Variants in ASCC3 observed in about 807,000 individuals in gnomAD.
ASCC3 encodes the protein activating signal cointegrator 1 complex subunit 3.
Under a neutral mutation model 256.3 loss-of-function variants are expected in ASCC3, and 158 were observed. The ratio of observed to expected loss-of-function variants is 0.62; its 90% CI spans 0.54 to 0.70. The LOEUF is 0.70. ASCC3 is among the 30% of genes least tolerant of loss of function. The probability of loss-of-function intolerance (pLI) is 0.00; values close to 1 mark genes in which losing one functional copy is unlikely to be tolerated. For synonymous variants in ASCC3, 948 were observed against 883.4 expected, an observed-to-expected ratio of 1.07 and a Z score of -1.30; for missense variants, 2,259 against 2,626.0, an observed-to-expected ratio of 0.86 and a Z score of 3.05.
At chr6:100,751,613 C>A (rs1444640886) in intron 10 of ASCC3, among the ~76,000 whole-genome samples, 1 of 151,736 alleles carries the variant, frequency 6.6e-6, no homozygotes, top group Non-Finnish European at 1.5e-5. Context: ...GATATAAACA[C>A]CAAAAAGTTT....
intron 13 of ASCC3, among the ~76,000 whole-genome samples, chr6:100,690,188 T>C (rs1416765239): frequency 6.6e-6 from 1 of 152,172 alleles, no homozygotes; most frequent in African/African-American, 2.4e-5. Context: ...TTATATCATA[T>C]CTTGATAATA....
chr6:100,579,397 T>A (rs1771070621), intron 36 of ASCC3, among the ~76,000 whole-genome samples: 1 of 152,106 alleles, frequency 6.6e-6, no homozygotes, highest in African/African-American at 2.4e-5. Flanking sequence ...TTTCGGCATC[T>A]TTTTCATGAA....
intron 13 of ASCC3, among the ~76,000 whole-genome samples, chr6:100,679,998 T>C (rs1302861447): frequency 6.6e-6 from 1 of 152,230 alleles, no homozygotes; most frequent in Non-Finnish European, 1.5e-5. Context: ...TTAATTTGTA[T>C]GTTTCTCTTT....
chr6:100,857,545 G>A (rs1773008031), intron 3 of ASCC3: 1 of 151,890 alleles, frequency 6.6e-6, no homozygotes, highest in South Asian at 2.1e-4. Context: ...AAAATTATTT[G>A]TAAAATAGGT....
chr6:100,630,896 AT>A (rs2114865994), intron 26 of ASCC3, among the ~76,000 whole-genome samples: 1 of 152,198 alleles, frequency 6.6e-6, no homozygotes, highest in South Asian at 2.1e-4. Context: ...ACATTAAGTA[AT>A]TTAGGAGATT....
chr6:100,603,601 T>C (rs984847260), intron 33 of ASCC3, among the ~76,000 whole-genome samples: 1 of 152,112 alleles, frequency 6.6e-6, no homozygotes, highest in African/African-American at 2.4e-5. Context: ...AGATATTCTT[T>C]ATCAGATTAA....
intron 12 of ASCC3, among the ~76,000 whole-genome samples, chr6:100,716,447 T>C (rs1562245722): frequency 6.6e-6 from 1 of 151,912 alleles, no homozygotes; most frequent in South Asian, 2.1e-4. Flanking sequence ...TAGAAGAGGA[T>C]GAAAAGCATC....
chr6:100,802,836 TA>T (rs907506189), intron 5 of ASCC3, among the ~76,000 whole-genome samples: 9 of 150,096 alleles, frequency 6.0e-5, no homozygotes, highest in African/African-American at 1.7e-4. Flanking sequence ...CTCATCTTTA[TA>T]AAAAAAAAAT....
intron 36 of ASCC3, among the ~76,000 whole-genome samples, chr6:100,552,064 T>C (rs966834255): frequency 6.6e-6 from 1 of 151,802 alleles, no homozygotes; most frequent in Non-Finnish European, 1.5e-5. Context: ...AAATTTGGGT[T>C]TGGTGTGAGA....
chr6:100,874,052 TA>T (rs1773871278), intron 1 of ASCC3, among the ~76,000 whole-genome samples: 1 of 152,228 alleles, frequency 6.6e-6, no homozygotes, highest in South Asian at 2.1e-4. Context: ...ACTAAAAATG[TA>T]ACAGCTCATT....
At chr6:100,747,543 T>C (rs1039425850) in intron 10 of ASCC3, among the ~76,000 whole-genome samples, 2 of 152,112 alleles carry the variant, frequency 1.3e-5, no homozygotes, top group African/African-American at 4.8e-5. Context: ...CTTGATATAC[T>C]TAGCAGTACC....
At chr6:100,648,052 T>C (rs1487426033) in intron 20 of ASCC3, among the ~76,000 whole-genome samples, 1 of 152,164 alleles carries the variant, frequency 6.6e-6, no homozygotes. Flanking sequence ...TATGATTTTA[T>C]AGATGAATAT....
Position 100,581,152 on chromosome 6 carries a change from G to T in ASCC3, c.5550+8482C>A, listed in dbSNP as rs979399067. On this transcript the variant is annotated intron_variant, in intron 36 of 41. Transcript: ENST00000369162. ...TCTACTTCTAGATCCCTGAGGAATCGCCACACTGACTTCCACAATGGTTGA... is the reference window on the plus strand; with the variant it reads ...TCTACTTCTAGATCCCTGAGGAATCTCCACACTGACTTCCACAATGGTTGA... Among the ~76,000 whole-genome samples, 4 of 152,092 alleles carry T rather than the reference G, an allele frequency of 2.6e-5. No individual in the cohort carries two copies. In the South Asian group the frequency reaches 8.3e-4, roughly 32 times the overall value.
intron 13 of ASCC3, among the ~76,000 whole-genome samples, chr6:100,711,306 G>A (rs1778842647): frequency 1.3e-5 from 2 of 152,194 alleles, no homozygotes; most frequent in African/African-American, 4.8e-5. Flanking sequence ...ATCGTAAGAT[G>A]TGGTAGGTAT....
chr6:100,842,022 C>A (rs1378371949), intron 4 of ASCC3, among the ~76,000 whole-genome samples: 1 of 152,080 alleles, frequency 6.6e-6, no homozygotes, highest in East Asian at 1.9e-4. Context: ...ATTTTCAATT[C>A]AGGCAGCAGG....
At chr6:100,650,480 C>A (rs902633821) in intron 20 of ASCC3, 58 bp downstream of exon 20, 3 of 1,558,260 alleles carry the variant, frequency 1.9e-6, no homozygotes, top group Admixed American at 3.3e-5. Flanking sequence ...TGAATTAACA[C>A]CTTGGTCCTC....
chr6:100,568,789 A>ATTATTATTT (rs1184449401), intron 36 of ASCC3, among the ~76,000 whole-genome samples: 22 of 127,202 alleles, frequency 1.7e-4, no homozygotes, highest in African/African-American at 6.4e-4. Flanking sequence ...TATTATTATT[A>ATTATTATTT]TTTTTTGAGA....
At chr6:100,752,542 C>T (rs1412497354) in intron 10 of ASCC3, among the ~76,000 whole-genome samples, 1 of 152,132 alleles carries the variant, frequency 6.6e-6, no homozygotes, top group East Asian at 1.9e-4. Flanking sequence ...ACCAAACTCA[C>T]TATTTAAGAA....
chr6:100,819,711 C>T (rs1030973960), intron 4 of ASCC3, among the ~76,000 whole-genome samples: 1 of 152,148 alleles, frequency 6.6e-6, no homozygotes. Flanking sequence ...TTTCCATATT[C>T]TTCTGCCTGC....
Sources: allele counts gnomAD v4.1 joint callset (sites outside exome capture counted in the v4.1 genomes callset), GRCh38; gene constraint gnomAD v4.1.1; transcripts MANE v1.5; gene names NCBI Gene and HGNC (gene_info 2026-07-23, HGNC 2026-07-21).